CRYBG3: variants seen among roughly 807,000 people sequenced by gnomAD.
CRYBG3 encodes the protein very large A-kinase anchor protein.
CRYBG3 carries 127 observed loss-of-function variants against 244.2 expected under a neutral mutation model. That is an observed-to-expected ratio of 0.52 (90% CI 0.45 to 0.60). The LOEUF (loss-of-function observed/expected upper bound fraction) is 0.60. CRYBG3 is among the 20% of genes least tolerant of loss of function. The pLI is 0.00. For synonymous variants in CRYBG3, 1,132 were observed against 1,195.8 expected, an observed-to-expected ratio of 0.95 and a Z score of 1.10; for missense variants, 3,325 against 3,442.5, an observed-to-expected ratio of 0.97 and a Z score of 0.85.
In CRYBG3 at chr3:97,872,205, T is replaced by G. The variant is rs1427448266; in HGVS notation, c.1011T>G (p.Ala337=). 6.5e-7 allele frequency: 1 copy of G among 1,535,660 alleles called. No homozygotes were observed. The highest frequency in any genetic ancestry group is 8.7e-7 in the Non-Finnish European group (1 of 1,146,672). The change falls in exon 4 of 22, where the codon GCT becomes GCG. Residue 337 remains alanine, a synonymous_variant. Coordinates refer to ENST00000389622, the MANE Select transcript of CRYBG3 (RefSeq NM_153605.4). Reference sequence around the variant, plus strand: ...CCAATAATCTTTTAAATAAAAATGCTTGGGGGAGTATTGAGAGAAATAGGT... The same window carrying G: ...CCAATAATCTTTTAAATAAAAATGCGTGGGGGAGTATTGAGAGAAATAGGT... ...ASSNNLLNKN[A]WGSIERNRSS...
At chr3:97,936,749 T>G in intron 18 of CRYBG3, 36 bp from the exon 19 acceptor site, 1 of 1,602,130 alleles carries the variant, frequency 6.2e-7, no homozygotes, top group Non-Finnish European at 8.5e-7. Context: ...TTTTTTGTTT[T>G]GAAGTACACT....
intron 15 of CRYBG3, among the ~76,000 whole-genome samples, chr3:97,906,869 A>ATTGG: frequency 6.6e-6 from 1 of 150,434 alleles, no homozygotes; most frequent in Non-Finnish European, 1.5e-5. Context: ...TCAGTATGAT[A>ATTGG]TTGGCTGTGG....
At position 97,873,314 on chromosome 3, in the gene CRYBG3, AC is replaced by A. The variant is rs2039328028; in HGVS notation, c.2122del (p.His708MetfsTer48). ...AAGTGTAAAGAAGAAAATGTGAAAA[AC>A]CATGTTGAGGCTGCAGGCAGGAAGA... ...PRKCKEENVK[N>X]HVEAAGRKSP... is the part of the protein sequence containing the mutation. On this transcript the variant is annotated frameshift_variant, in exon 4 of 22. Coordinates refer to ENST00000389622, the MANE Select transcript of CRYBG3 (RefSeq NM_153605.4). LOFTEE classifies it high-confidence loss of function. The A allele has an allele frequency of 6.5e-7, 1 of 1,535,624 alleles. No individual in the cohort carries two copies. Among genetic ancestry groups the A allele is most frequent in the African/African-American group, 1.4e-5 (1 of 72,982 alleles).
chr3:97,931,933 A>G (rs1172691731), intron 17 of CRYBG3, among the ~76,000 whole-genome samples: 1 of 152,058 alleles, frequency 6.6e-6, no homozygotes, highest in Non-Finnish European at 1.5e-5. Flanking sequence ...CTGTTGTCAG[A>G]CAGATTGCCT....
chr3:97,829,222 C>T (rs1057007484), intron 1 of CRYBG3, among the ~76,000 whole-genome samples: 1 of 152,152 alleles, frequency 6.6e-6, no homozygotes, highest in East Asian at 1.9e-4. Flanking sequence ...GGAAAAGTTT[C>T]AGTTAAGGAT....
At position 97,864,427 on chromosome 3, in the gene CRYBG3, T is replaced by G; in HGVS notation, c.427T>G (p.Ser143Ala). The change falls in exon 3 of 22, where the codon TCT becomes GCT. Residue 143 changes from serine to alanine, a missense_variant. Transcript: ENST00000389622. Reference sequence around the variant, plus strand: ...ATCATCTCTAGGTGAAGCTAAGCAGTCTTCTTTCAAAGATGACCAGGATAA... The same window carrying G: ...ATCATCTCTAGGTGAAGCTAAGCAGGCTTCTTTCAAAGATGACCAGGATAA... ...GKSSLGEAKQ[S>A]SFKDDQDKTE... The G allele has an allele frequency of 6.5e-7, 1 of 1,535,842 alleles. No homozygotes were observed. Among genetic ancestry groups the G allele is most frequent in the East Asian group, 2.4e-5 (1 of 40,890 alleles).
chr3:97,870,710 T>G (rs1027625486), intron 3 of CRYBG3, among the ~76,000 whole-genome samples: 6 of 152,178 alleles, frequency 3.9e-5, no homozygotes, highest in Non-Finnish European at 7.4e-5. Context: ...TGAAATAGAT[T>G]ACTTAGCAGT....
At chr3:97,864,702 T>A in intron 3 of CRYBG3, 55 bp downstream of exon 3, 1 of 1,255,324 alleles carries the variant, frequency 8.0e-7, no homozygotes, top group Non-Finnish European at 1.1e-6. Flanking sequence ...GACCTAGCTT[T>A]TGAGCTTTAG....
chr3:97,888,767 A>C (rs753781871), intron 9 of CRYBG3, among the ~76,000 whole-genome samples: 1 of 152,198 alleles, frequency 6.6e-6, no homozygotes, highest in Non-Finnish European at 1.5e-5. Context: ...GTGGAGTAGC[A>C]CTTGAAACAA....
chr3:97,871,733 A>G, intron 3 of CRYBG3, 109 bp from the exon 4 acceptor site: 6 of 695,594 alleles, frequency 8.6e-6, no homozygotes, highest in South Asian at 2.6e-5. Flanking sequence ...AAATTGGTAC[A>G]TATTAAGGGA....
intron 1 of CRYBG3, among the ~76,000 whole-genome samples, chr3:97,838,695 C>A (rs938896694): frequency 1.3e-5 from 2 of 152,082 alleles, no homozygotes; most frequent in Non-Finnish European, 1.5e-5. Flanking sequence ...TGAGTGAGTT[C>A]TTGGGCCCAG....
Position 97,886,824 on chromosome 3 carries a change from A to G in CRYBG3, c.7289+57A>G, listed in dbSNP as rs947127048. 1.2e-5 allele frequency: 17 copies of G among 1,394,404 alleles called. No homozygotes were observed. The Admixed American group carries it at 3.8e-4, about 31-fold the overall frequency. The allele number at this position is 1,394,404 out of a possible 1,614,324, so 86.4% of individuals were successfully genotyped here. A position where few individuals can be genotyped will look rare whatever the true frequency, so the allele number is the denominator to read the frequency against. On this transcript the variant is annotated intron_variant, in intron 8 of 21. Coordinates refer to ENST00000389622, the MANE Select transcript of CRYBG3 (RefSeq NM_153605.4). ...TGATGGCCACCAATTTCATATTTCA[A>G]TAGATGACATACATTTTTCTAAAGT... is the stretch of plus-strand genomic sequence containing the variant.
At chr3:97,899,458 A>G (rs2039678734) in intron 14 of CRYBG3, among the ~76,000 whole-genome samples, 195 bp downstream of exon 14, 1 of 152,062 alleles carries the variant, frequency 6.6e-6, no homozygotes, top group South Asian at 2.1e-4. Context: ...ATGGCTTTGT[A>G]ATTTGATCAG....
intron 1 of CRYBG3, among the ~76,000 whole-genome samples, chr3:97,834,645 G>A (rs1002574709): frequency 6.6e-6 from 1 of 152,108 alleles, no homozygotes; most frequent in African/African-American, 2.4e-5. Flanking sequence ...ATGGCATTGT[G>A]CTTTTTATCA....
At position 97,871,709 on chromosome 3, in the gene CRYBG3, A is replaced by G. The variant is rs1462025646; in HGVS notation, c.648-133A>G. The G allele has an allele frequency of 1.1e-5, 6 of 561,984 alleles. No homozygotes were observed. The African/African-American group carries it at 1.2e-4, about 11-fold the overall frequency. The allele number at this position is 561,984 out of a possible 1,614,324, so 34.8% of individuals were successfully genotyped here. On this transcript the variant is annotated intron_variant, in intron 3 of 21. Coordinates refer to ENST00000389622, the MANE Select transcript of CRYBG3 (RefSeq NM_153605.4). Reference sequence around the variant, plus strand: ...AATAAAGGTAAATTTAAAGCGTTCTAGGATTTACTCCCCAAATTGGTACAT... The same window carrying G: ...AATAAAGGTAAATTTAAAGCGTTCTGGGATTTACTCCCCAAATTGGTACAT...
chr3:97,876,821 G>C lies in CRYBG3; in HGVS notation c.5627G>C (p.Gly1876Ala). 7.3e-7 allele frequency: 1 copy of C among 1,366,744 alleles called. No individual in the cohort carries two copies. Among genetic ancestry groups the C allele is most frequent in the African/African-American group, 1.5e-5 (1 of 68,204 alleles). The allele number at this position is 1,366,744 out of a possible 1,614,324, so 84.7% of individuals were successfully genotyped here. Residue 1876 changes from glycine to alanine, a missense_variant, in exon 4 of 22, where the codon GGA (glycine) becomes GCA (alanine). Gly to Ala is a moderately conservative substitution (Grantham distance 60). Around this residue, in one of 4 missense-constraint regions of CRYBG3, gnomAD observed 635 missense variants for 771.7 expected, o/e 0.82. Coordinates refer to ENST00000389622, the MANE Select transcript of CRYBG3 (RefSeq NM_153605.4). Reference protein sequence around the residue: ...VVDIEKIHGTGLELTTKQGEA... With the variant: ...VVDIEKIHGTALELTTKQGEA... ...GACATTGAGAAAATACATGGAACAGGACTAGAATTGACCACTAAACAAGGG... is the reference window on the plus strand; with the variant it reads ...GACATTGAGAAAATACATGGAACAGCACTAGAATTGACCACTAAACAAGGG...
Position 97,874,068 on chromosome 3 carries a change from G to A in CRYBG3, c.2874G>A (p.Gln958=), listed in dbSNP as rs2039339627. 1 of 1,535,774 alleles carries A rather than the reference G, an allele frequency of 6.5e-7. No homozygotes were observed. The highest frequency in any genetic ancestry group is 2.0e-5 in the Admixed American group (1 of 50,952). Reference sequence around the variant, plus strand: ...AAAAAATCAGTAGGCAAATGGCGCAGAATTGTGAAGCTCACACTTGTGTGT... The same window carrying A: ...AAAAAATCAGTAGGCAAATGGCGCAAAATTGTGAAGCTCACACTTGTGTGT... The part of the protein sequence containing the change: ...HDEKISRQMA[Q]NCEAHTCVFH... The change falls in exon 4 of 22, where the codon CAG becomes CAA. Residue 958 remains glutamine, a synonymous_variant. Transcript: ENST00000389622.
intron 3 of CRYBG3, among the ~76,000 whole-genome samples, chr3:97,869,256 G>T (rs1257082565): frequency 6.6e-6 from 1 of 151,866 alleles, no homozygotes; most frequent in Non-Finnish European, 1.5e-5. Flanking sequence ...TTGGGGTTTT[G>T]TTGGTAGTTA....
chr3:97,920,205 A>T (rs990504831), intron 17 of CRYBG3, among the ~76,000 whole-genome samples: 1 of 152,192 alleles, frequency 6.6e-6, no homozygotes, highest in Non-Finnish European at 1.5e-5. Flanking sequence ...AATATGAATT[A>T]AAAAAGAATT....
Sources: gnomAD v4.1 joint callset for allele counts (sites outside exome capture counted in the v4.1 genomes callset) on GRCh38, gnomAD v4.1.1 for gene constraint, gnomAD v4.1.1 regional missense constraint, MANE v1.5 for transcripts, NCBI Gene and HGNC (gene_info 2026-07-23, HGNC 2026-07-21) for gene names.